NR2F6: variants seen among roughly 807,000 people sequenced by gnomAD.
NR2F6 encodes ERBA-related gene-2.
In NR2F6, 16 loss-of-function variants were observed where a neutral mutation model predicts 26.5. That is an observed-to-expected ratio of 0.60 (90% CI 0.41 to 0.92). The LOEUF (loss-of-function observed/expected upper bound fraction) is 0.92. Ranked by LOEUF, NR2F6 falls within the 40% of genes least tolerant of loss-of-function variation. The probability of loss-of-function intolerance (pLI) is 0.00; values close to 1 mark genes in which losing one functional copy is unlikely to be tolerated. For synonymous variants in NR2F6, 325 were observed against 305.0 expected (o/e 1.07, Z -0.68); for missense variants, 536 against 631.7 (o/e 0.85, Z 1.62).
rs373251155 is a variant in NR2F6 at position 17,235,614 on chromosome 19, G to A, written c.825C>T (p.Ala275=). 10 of 1,556,522 alleles carry A rather than the reference G, an allele frequency of 6.4e-6. No homozygotes were observed. Among genetic ancestry groups the A allele is most frequent in the South Asian group, 2.3e-5 (2 of 86,582 alleles). ...LHAAPMAAER[A]VAFMDQVRAF... Reference sequence around the variant, plus strand: ...CGCGCACCTGGTCCATGAAAGCCACGGCGCGCTCGGCGGCCATAGGCGCGG... The same window carrying A: ...CGCGCACCTGGTCCATGAAAGCCACAGCGCGCTCGGCGGCCATAGGCGCGG... The change falls in exon 3 of 4, where the codon GCC becomes GCT. Residue 275 remains alanine (A), a synonymous_variant. Coordinates refer to ENST00000291442, the MANE Select transcript of NR2F6 (RefSeq NM_005234.4). The surrounding 1 kb of genome is among the most constrained non-coding windows in gnomAD (Gnocchi z 5.0).
At chr19:17,240,587 G>A in intron 2 of NR2F6, 84 bp downstream of exon 2, 4 of 1,441,444 alleles carry the variant, frequency 2.8e-6, no homozygotes, top group Non-Finnish European at 3.9e-6. Flanking sequence ...GAAAGGGAGG[G>A]GAAAAAGGGG....
Position 17,235,499 on chromosome 19 carries a change from C to T in NR2F6, c.940G>A (p.Asp314Asn). 1 of 1,584,198 alleles carries T rather than the reference C, an allele frequency of 6.3e-7. No individual in the cohort carries two copies. Residue 314 changes from aspartate (D) to asparagine (N), a missense_variant and splice_region_variant, in exon 3 of 4, where the codon GAC becomes AAC. Asp to Asn is a conservative substitution (Grantham distance 23). Transcript: ENST00000291442. This position sits in a 1 kb window ranked among gnomAD's most constrained non-coding sequence, Gnocchi z 5.0. Reference protein sequence around the residue: ...CLKAIALFTPDACGLSDPAHV... With the variant: ...CLKAIALFTPNACGLSDPAHV... ...CGGCCCTCTTCGGAGCGTGGCTCAC[C>T]GGGCGTGAAGAGCGCGATGGCCTTG...
At chr19:17,241,064 G>C (rs891627227) in intron 1 of NR2F6, among the ~76,000 whole-genome samples, 4 of 152,224 alleles carry the variant, frequency 2.6e-5, no homozygotes, top group African/African-American at 9.6e-5. Flanking sequence ...GAATGGCGGG[G>C]TGATCCCAGA....
rs1197898273 is a variant in NR2F6 at position 17,232,607 on chromosome 19, G to A, written c.960C>T (p.Asp320=). ...LFTPDACGLS[D]PAHVESLQEK... ...CCTGCAGGCTCTCAACGTGGGCCGG[G>A]TCTGAGAGGCCACAGGCGTCTAGGG... is the stretch of plus-strand genomic sequence containing the variant. The change falls in exon 4 of 4, where the codon GAC becomes GAT. Residue 320 remains aspartate, a synonymous_variant. Transcript: ENST00000291442. The A allele has an allele frequency of 3.9e-6, 6 of 1,550,498 alleles. No individual in the cohort carries two copies. The highest frequency in any genetic ancestry group is 5.2e-6 in the Non-Finnish European group (6 of 1,150,212).
chr19:17,238,320 C>G (rs1045639325), intron 2 of NR2F6, among the ~76,000 whole-genome samples: 6 of 152,282 alleles, frequency 3.9e-5, no homozygotes, highest in African/African-American at 1.4e-4. Flanking sequence ...AGGGAATGGA[C>G]ATTCTGGGTG....
At chr19:17,237,151 A>C (rs1189084087) in intron 2 of NR2F6, among the ~76,000 whole-genome samples, 1 of 152,178 alleles carries the variant, frequency 6.6e-6, no homozygotes, top group Admixed American at 6.5e-5. Flanking sequence ...TAAGCGGAGA[A>C]GCCAGGGCAT....
At chr19:17,237,173 C>T (rs929865046) in intron 2 of NR2F6, among the ~76,000 whole-genome samples, 2 of 152,058 alleles carry the variant, frequency 1.3e-5, no homozygotes, top group Non-Finnish European at 2.9e-5. Flanking sequence ...GGTTGAAGCC[C>T]GCTCCAAGGG....
intron 2 of NR2F6, among the ~76,000 whole-genome samples, chr19:17,236,308 G>A (rs1319087643): frequency 8.8e-6 from 1 of 113,468 alleles, no homozygotes; most frequent in African/African-American, 3.8e-5. Context: ...GGGGCAGGTG[G>A]GGGGGGGCAG....
At chr19:17,242,042 G>C (rs1800311869) in intron 1 of NR2F6, among the ~76,000 whole-genome samples, 1 of 147,458 alleles carries the variant, frequency 6.8e-6, no homozygotes, top group African/African-American at 2.5e-5. Flanking sequence ...AAAAAGGCTG[G>C]GTGCAGTGGC....
In NR2F6 at chr19:17,236,037, C is replaced by A. The variant is rs763169331; in HGVS notation, c.402G>T (p.Ser134=). Reference sequence around the variant, plus strand: ...AGGAGGCGGCCACGGCACCAGGCAGCGAGTGCGGGATGCGGCCGCGCTGCA... The same window carrying A: ...AGGAGGCGGCCACGGCACCAGGCAGAGAGTGCGGGATGCGGCCGCGCTGCA... The part of the protein sequence containing the change: ...EAVQRGRIPH[S]LPGAVAASSG... Residue 134 remains serine, a synonymous_variant, in exon 3 of 4, where the codon TCG becomes TCT. Transcript: ENST00000291442. The A allele has an allele frequency of 5.4e-6, 7 of 1,289,582 alleles. No individual in the cohort carries two copies. In the Middle Eastern group the frequency reaches 9.0e-4, roughly 166 times the overall value. The allele number at this position is 1,289,582 out of a possible 1,614,324, so 79.9% of individuals were successfully genotyped here.
Position 17,234,813 on chromosome 19 carries a change from C to T in NR2F6, c.940+686G>A, listed in dbSNP as rs987074321. On this transcript the variant is annotated intron_variant, in intron 3 of 3. Coordinates refer to ENST00000291442, the MANE Select transcript of NR2F6 (RefSeq NM_005234.4). ...GATCAAGGCTGCAGTGAACCGTGTT[C>T]GGACAACTGCACTCCAGCCTGGGTG... Among the ~76,000 whole-genome samples, 6 of 151,996 alleles carry T rather than the reference C, an allele frequency of 3.9e-5. No individual in the cohort carries two copies. The East Asian group carries it at 9.6e-4, about 24-fold the overall frequency.
chr19:17,242,281 G>A (rs1315869813), intron 1 of NR2F6, among the ~76,000 whole-genome samples: 2 of 152,146 alleles, frequency 1.3e-5, no homozygotes, highest in Non-Finnish European at 2.9e-5. Flanking sequence ...TCACGCCATC[G>A]CACTCCAGCC....
chr19:17,234,059 C>T (rs916821087), intron 3 of NR2F6, among the ~76,000 whole-genome samples: 26 of 151,944 alleles, frequency 1.7e-4, no homozygotes, highest in African/African-American at 5.5e-4. Context: ...CCCGTCTCTA[C>T]TAAAAACACA....
intron 2 of NR2F6, among the ~76,000 whole-genome samples, chr19:17,237,151 A>G (rs1189084087): frequency 1.3e-5 from 2 of 152,178 alleles, no homozygotes; most frequent in African/African-American, 4.8e-5. Flanking sequence ...TAAGCGGAGA[A>G]GCCAGGGCAT....
chr19:17,232,038 A>C lies in NR2F6; in HGVS notation c.*314T>G, dbSNP rs1228638780. The stretch of plus-strand genomic sequence containing the variant: ...ACGCCAGGCCTTTGTCCATCATGCC[A>C]GGGAAGCCAACCCCACCATCCCACA... On this transcript the variant is annotated 3_prime_UTR_variant, in exon 4 of 4. Transcript: ENST00000291442. 2.7e-6 allele frequency: 1 copy of C among 364,800 alleles called. No homozygotes were observed. The highest frequency in any genetic ancestry group is 5.0e-6 in the Non-Finnish European group (1 of 199,680). The allele number at this position is 364,800 out of a possible 1,614,324, so 22.6% of individuals were successfully genotyped here.
chr19:17,245,351 A>C lies in NR2F6; in HGVS notation c.-131T>G. 6.4e-6 allele frequency: 5 copies of C among 785,864 alleles called. No individual in the cohort carries two copies. The highest frequency in any genetic ancestry group is 6.6e-6 in the Non-Finnish European group (4 of 603,830). 48.7% of individuals were successfully genotyped at this position (785,864 alleles called of 1,614,324 possible). On this transcript the variant is annotated 5_prime_UTR_variant, in exon 1 of 4. Coordinates refer to ENST00000291442, the MANE Select transcript of NR2F6 (RefSeq NM_005234.4). This position sits in a 1 kb window ranked among gnomAD's most constrained non-coding sequence, Gnocchi z 5.0. ...GGGGGCACGGGCTGCACCCCCCAAA[A>C]AAGTTTTGCAGCAACTTCCTGCGGC...
In NR2F6 at chr19:17,235,472, C is replaced by A; in HGVS notation, c.940+27G>T. 1 of 1,555,150 alleles carries A rather than the reference C, an allele frequency of 6.4e-7. No individual in the cohort carries two copies. On this transcript the variant is annotated intron_variant, in intron 3 of 3. Coordinates refer to ENST00000291442, the MANE Select transcript of NR2F6 (RefSeq NM_005234.4). This position sits in a 1 kb window ranked among gnomAD's most constrained non-coding sequence, Gnocchi z 5.0. ...TAACCTCCCTTGGGTCCCCCCATCC[C>A]GCGGCCCTCTTCGGAGCGTGGCTCA...
At chr19:17,243,533 GCC>G (rs929971242) in intron 1 of NR2F6, among the ~76,000 whole-genome samples, 19 of 151,636 alleles carry the variant, frequency 1.3e-4, no homozygotes, top group African/African-American at 4.4e-4. Flanking sequence ...AACTGCCTGA[GCC>G]CCCCTCCCTT....
chr19:17,244,687 G>A (rs1236435002), intron 1 of NR2F6, among the ~76,000 whole-genome samples: 2 of 152,236 alleles, frequency 1.3e-5, no homozygotes, highest in African/African-American at 2.4e-5. Flanking sequence ...AAAAGCGGAG[G>A]GAAGGAGAAG....
Sources: gnomAD v4.1 joint callset for allele counts (sites outside exome capture counted in the v4.1 genomes callset) on GRCh38, gnomAD v4.1.1 for gene constraint, Gnocchi (gnomAD v3.1) non-coding constraint, MANE v1.5 for transcripts, NCBI Gene and HGNC (gene_info 2026-07-23, HGNC 2026-07-21) for gene names.